The following SLC39A12 variants were observed in gnomAD, a reference collection of about 807,000 sequenced individuals.
The protein encoded by SLC39A12 is solute carrier family 39 member 12, also known as zinc transporter ZIP12.
Under a neutral mutation model 71.1 loss-of-function variants are expected in SLC39A12, and 63 were observed. That is an observed-to-expected ratio of 0.89 (90% CI 0.72 to 1.09). The LOEUF (loss-of-function observed/expected upper bound fraction) is 1.09. Among genes scored for constraint, SLC39A12 ranks in the 50% least tolerant of loss-of-function variants. The pLI, the probability that SLC39A12 is intolerant of heterozygous loss-of-function variation, is 0.00. For missense variants in SLC39A12, 892 were observed against 812.6 expected (o/e 1.10, Z -1.19); for synonymous variants, 351 against 301.3 (o/e 1.16, Z -1.71).
chr10:17,959,465 A>C (rs1834631450), intron 2 of SLC39A12, among the ~76,000 whole-genome samples: 1 of 152,180 alleles, frequency 6.6e-6, no homozygotes, highest in Non-Finnish European at 1.5e-5. Context: ...ATTACATAGC[A>C]GATGTTACAC....
chr10:18,021,334 C>A (rs1283196562), intron 12 of SLC39A12, among the ~76,000 whole-genome samples: 1 of 151,848 alleles, frequency 6.6e-6, no homozygotes, highest in African/African-American at 2.4e-5. Flanking sequence ...ATAATTACGT[C>A]TTGTTGAATC....
chr10:17,997,897 A>C (rs565747694), intron 10 of SLC39A12, among the ~76,000 whole-genome samples: 1 of 152,318 alleles, frequency 6.6e-6, no homozygotes, highest in African/African-American at 2.4e-5. Flanking sequence ...GAAACATGGA[A>C]CTCAATATGA....
Position 17,995,663 on chromosome 10 carries a change from C to T in SLC39A12, c.1541C>T (p.Pro514Leu), listed in dbSNP as rs1167784272. The change falls in exon 10 of 13, where the codon CCA (proline) becomes CTA (leucine). Residue 514 changes from proline (P) to leucine (L), a missense_variant. Transcript: ENST00000377369. ...KSASTIQLKS[P>L]EDSQAAEMPI... ...TTTTTTAATTTAAAATAGAAAAGCC[C>T]AGAAGATTCACAGGCAGCTGAAATG... 1.2e-6 allele frequency: 2 copies of T among 1,612,580 alleles called. No individual in the cohort carries two copies. Among genetic ancestry groups the T allele is most frequent in the South Asian group, 1.1e-5 (1 of 90,734 alleles).
intron 1 of SLC39A12, among the ~76,000 whole-genome samples, chr10:17,952,256 G>A (rs1434546249): frequency 6.6e-6 from 1 of 151,718 alleles, no homozygotes; most frequent in African/African-American, 2.4e-5. Context: ...TTTTTTCCAG[G>A]AAGTTGATTG....
chr10:18,013,028 A>G (rs1055905682), intron 12 of SLC39A12, among the ~76,000 whole-genome samples: 2 of 152,100 alleles, frequency 1.3e-5, no homozygotes, highest in African/African-American at 4.8e-5. Flanking sequence ...ATGACAATGA[A>G]TCTTTACCAG....
chr10:18,040,283 A>G (rs1564667611), intron 12 of SLC39A12, among the ~76,000 whole-genome samples: 1 of 152,180 alleles, frequency 6.6e-6, no homozygotes, highest in African/African-American at 2.4e-5. Context: ...CCAAAAGAGC[A>G]TGTAATTTGT....
chr10:17,973,498 A>G (rs188720692), intron 4 of SLC39A12, among the ~76,000 whole-genome samples: 2 of 152,274 alleles, frequency 1.3e-5, no homozygotes, highest in Non-Finnish European at 2.9e-5. Context: ...GGATATTTTC[A>G]CAGGATATAC....
intron 12 of SLC39A12, among the ~76,000 whole-genome samples, chr10:18,023,867 A>T (rs1216584469): frequency 6.6e-6 from 1 of 152,164 alleles, no homozygotes; most frequent in East Asian, 1.9e-4. Context: ...CACCCAGGTC[A>T]GGAGGCACTG....
At chr10:17,963,589 T>C (rs1219097816) in intron 3 of SLC39A12, among the ~76,000 whole-genome samples, 1 of 152,222 alleles carries the variant, frequency 6.6e-6, no homozygotes, top group African/African-American at 2.4e-5. Flanking sequence ...ATGACACCAC[T>C]GTCTCTAGTT....
chr10:18,027,046 C>T (rs996427530), intron 12 of SLC39A12, among the ~76,000 whole-genome samples: 1 of 151,988 alleles, frequency 6.6e-6, no homozygotes, highest in African/African-American at 2.4e-5. Context: ...TTCTTTAAAC[C>T]ATCTTTTGCC....
chr10:17,982,208 G>A (rs971028405), intron 6 of SLC39A12, among the ~76,000 whole-genome samples: 5 of 152,186 alleles, frequency 3.3e-5, no homozygotes, highest in African/African-American at 1.2e-4. Flanking sequence ...ACAGTTACCT[G>A]TATCCCACTG....
At chr10:18,034,380 T>G (rs79909197) in intron 12 of SLC39A12, among the ~76,000 whole-genome samples, 21 of 152,194 alleles carry the variant, frequency 1.4e-4, no homozygotes, top group African/African-American at 1.9e-4. Context: ...TCTTCTTGTT[T>G]AATTGATCTC....
intron 4 of SLC39A12, among the ~76,000 whole-genome samples, chr10:17,966,879 CAGG>C (rs1018656841): frequency 2.6e-5 from 4 of 151,830 alleles, no homozygotes; most frequent in African/African-American, 7.2e-5. Flanking sequence ...GAGGCTGAGG[CAGG>C]AGAATTGCTT....
intron 12 of SLC39A12, chr10:18,008,782 A>T (rs1407872236): frequency 6.6e-6 from 1 of 152,144 alleles, no homozygotes; most frequent in African/African-American, 2.4e-5. Flanking sequence ...TTCTCTCCTA[A>T]TCGCCATTAT....
intron 12 of SLC39A12, among the ~76,000 whole-genome samples, chr10:18,008,356 G>C (rs957564549): frequency 2.6e-5 from 4 of 152,152 alleles, no homozygotes; most frequent in African/African-American, 9.7e-5. Flanking sequence ...AATGCCTGAT[G>C]ATTGGTCACT....
chr10:17,998,209 T>C (rs1217243185), intron 10 of SLC39A12, among the ~76,000 whole-genome samples: 4 of 152,238 alleles, frequency 2.6e-5, no homozygotes, highest in Non-Finnish European at 4.4e-5. Flanking sequence ...TGCCTGTGGC[T>C]TGTTACCTAT....
chr10:18,040,698 G>A (rs1837198736), intron 12 of SLC39A12, among the ~76,000 whole-genome samples: 1 of 151,204 alleles, frequency 6.6e-6, no homozygotes, highest in Non-Finnish European at 1.5e-5. Flanking sequence ...TAACCCAGGA[G>A]GCAGAGGTTG....
chr10:17,979,064 G>C (rs1835189204), intron 5 of SLC39A12, among the ~76,000 whole-genome samples: 1 of 152,186 alleles, frequency 6.6e-6, no homozygotes, highest in Non-Finnish European at 1.5e-5. Context: ...GAATATGTTT[G>C]TAAAGCTTCT....
At position 18,037,017 on chromosome 10, in the gene SLC39A12, C is replaced by G. The variant is rs563832866; in HGVS notation, c.1948-5688C>G. Among the ~76,000 whole-genome samples, 18 of 151,720 alleles carry G rather than the reference C, an allele frequency of 1.2e-4. No homozygotes were observed. In the East Asian group the frequency reaches 3.1e-3, roughly 26 times the overall value. On this transcript the variant is annotated intron_variant, in intron 12 of 12. Transcript: ENST00000377369. ...GGCCAGGCTGGTCTTGAACTCTTGACCTCAAGTGATCTGCCAGCCTAGGCC... is the reference window on the plus strand; with the variant it reads ...GGCCAGGCTGGTCTTGAACTCTTGAGCTCAAGTGATCTGCCAGCCTAGGCC...
Sources: allele counts gnomAD v4.1 joint callset (sites outside exome capture counted in the v4.1 genomes callset), GRCh38; gene constraint gnomAD v4.1.1; transcripts MANE v1.5; gene names NCBI Gene and HGNC (gene_info 2026-07-23, HGNC 2026-07-21).